Variants in CASP4 observed in about 807,000 individuals in gnomAD.
CASP4 encodes the protein caspase 4, also known as caspase-4.
A neutral mutation model predicts 41.3 loss-of-function variants in CASP4; 29 were observed. The observed-to-expected ratio is 0.70, with a 90% confidence interval of 0.52 to 0.96. The LOEUF (loss-of-function observed/expected upper bound fraction) is 0.96. Among genes scored for constraint, CASP4 ranks in the 40% least tolerant of loss-of-function variants. CASP4 has a pLI of 0.00. For missense variants in CASP4, 447 were observed against 460.6 expected, an observed-to-expected ratio of 0.97 and a Z score of 0.27; for synonymous variants, 185 against 158.4, an observed-to-expected ratio of 1.17 and a Z score of -1.26.
At chr11:104,954,556 T>C (rs1860689010) in intron 2 of CASP4, among the ~76,000 whole-genome samples, 191 bp downstream of exon 2, 1 of 152,120 alleles carries the variant, frequency 6.6e-6, no homozygotes, top group South Asian at 2.1e-4. Flanking sequence ...GGACTCAGCC[T>C]TTTAGCTGAT....
chr11:104,951,923 C>T lies in CASP4; in HGVS notation c.345G>A (p.Leu115=). The change falls in exon 3 of 9, where the codon CTG becomes CTA. Residue 115 remains leucine, a synonymous_variant. Coordinates refer to ENST00000444739, the MANE Select transcript of CASP4 (RefSeq NM_001225.4). The part of the protein sequence containing the change: ...ALKLCPHEEF[L]RLCKERAEEI... ...CTTCAGCTCTTTCTTTACATAGTCTCAGGAATTCTTCATGAGGACAAAGCT... is the reference window on the plus strand; with the variant it reads ...CTTCAGCTCTTTCTTTACATAGTCTTAGGAATTCTTCATGAGGACAAAGCT... 6.2e-7 allele frequency: 1 copy of T among 1,611,904 alleles called. No homozygotes were observed. The highest frequency in any genetic ancestry group is 8.5e-7 in the Non-Finnish European group (1 of 1,178,494).
At chr11:104,949,368 T>C (rs1285893198) in intron 5 of CASP4, 175 bp downstream of exon 5, 1 of 677,428 alleles carries the variant, frequency 1.5e-6, no homozygotes, top group Non-Finnish European at 2.5e-6. Flanking sequence ...TCTCCACTAA[T>C]TTTGATGAGA....
chr11:104,954,747 C>T lies in CASP4; in HGVS notation c.262G>A (p.Ala88Thr). 1 of 1,611,868 alleles carries T rather than the reference C, an allele frequency of 6.2e-7. No individual in the cohort carries two copies. Among genetic ancestry groups the T allele is most frequent in the Non-Finnish European group, 8.5e-7 (1 of 1,179,086 alleles). ...NIDQISPNKKAHPNMEAGPPE... is the reference protein window; with the variant it reads ...NIDQISPNKKTHPNMEAGPPE... ...TTCATTGTAAAAAATCCAGTCTTACCTTTTTTATTGGGGGATATTTGGTCT... is the reference window on the plus strand; with the variant it reads ...TTCATTGTAAAAAATCCAGTCTTACTTTTTTTATTGGGGGATATTTGGTCT... Residue 88 changes from alanine to threonine, a missense_variant and splice_region_variant, in exon 2 of 9, where the codon GCT becomes ACT. Physicochemically the swap from Ala to Thr is moderately conservative, Grantham distance 58. Transcript: ENST00000444739.
rs912593554 is a variant in CASP4, at chr11:104,944,679, A to T, written c.*5+69T>A. ...TCCAAGTACTCAGCTGTCATTTGTC[A>T]TTGAACTTAACCACCAATATCACTC... On this transcript the variant is annotated intron_variant, in intron 8 of 8. Coordinates refer to ENST00000444739, the MANE Select transcript of CASP4 (RefSeq NM_001225.4). 9.9e-6 allele frequency: 10 copies of T among 1,010,294 alleles called. No individual in the cohort carries two copies. In the South Asian group the frequency reaches 1.3e-4, roughly 13 times the overall value. 62.6% of individuals were successfully genotyped at this position (1,010,294 alleles called of 1,614,324 possible).
At chr11:104,951,635 T>C (rs951987839) in intron 3 of CASP4, 4 of 494,240 alleles carry the variant, frequency 8.1e-6, no homozygotes, top group Non-Finnish European at 1.5e-5. Flanking sequence ...TGCCATAAAA[T>C]CCAAATAATT....
intron 1 of CASP4, among the ~76,000 whole-genome samples, chr11:104,961,368 G>GT (rs1207295265): frequency 5.9e-5 from 9 of 152,298 alleles, no homozygotes; most frequent in African/African-American, 1.9e-4. Context: ...GACTGGTTCT[G>GT]TGGCCCCATA....
chr11:104,950,012 G>C (rs1395959214), intron 4 of CASP4, among the ~76,000 whole-genome samples: 2 of 151,992 alleles, frequency 1.3e-5, no homozygotes, highest in African/African-American at 4.8e-5. Context: ...ATTGTATATT[G>C]CTATGTGTTA....
intron 1 of CASP4, 144 bp downstream of exon 1, chr11:104,968,375 G>T: frequency 1.4e-6 from 1 of 728,642 alleles, no homozygotes; most frequent in South Asian, 1.8e-5. Context: ...CAGGTCCCAT[G>T]ATTCAAACTA....
intron 2 of CASP4, among the ~76,000 whole-genome samples, chr11:104,954,355 G>T (rs1187068967): frequency 6.6e-6 from 1 of 152,062 alleles, no homozygotes; most frequent in Non-Finnish European, 1.5e-5. Flanking sequence ...AGGCTTAGAC[G>T]ATCTTGTGAG....
chr11:104,955,103 G>T, intron 1 of CASP4, 102 bp from the exon 2 acceptor site: 7 of 1,129,898 alleles, frequency 6.2e-6, no homozygotes, highest in Non-Finnish European at 7.6e-6. Flanking sequence ...CTGAAAGTAT[G>T]TCCTACTTCA....
At chr11:104,963,821 G>C (rs1860914618) in intron 1 of CASP4, among the ~76,000 whole-genome samples, 1 of 152,092 alleles carries the variant, frequency 6.6e-6, no homozygotes, top group Non-Finnish European at 1.5e-5. Context: ...GGGGATCTGG[G>C]ATCCAGTATA....
At chr11:104,947,008 A>T in intron 7 of CASP4, 75 bp downstream of exon 7, 5 of 1,034,338 alleles carry the variant, frequency 4.8e-6, no homozygotes, top group Middle Eastern at 4.2e-4. Context: ...AAAAATTGTC[A>T]TTGTGAAGTA....
chr11:104,955,005 TTAGAAA>T lies in CASP4; in HGVS notation c.8-10_8-5del. ...GGCTTTTTTCTGTGGTTGCCTTCTG[TTAGAAA>T]TAGAAAGATTCCTTTAACTATGGGC... On this transcript the variant is annotated splice_region_variant and splice_polypyrimidine_tract_variant and intron_variant, in intron 1 of 8. Coordinates refer to ENST00000444739, the MANE Select transcript of CASP4 (RefSeq NM_001225.4). 1 of 1,611,814 alleles carries T rather than the reference TTAGAAA, an allele frequency of 6.2e-7. No homozygotes were observed. Among genetic ancestry groups the T allele is most frequent in the Middle Eastern group, 1.7e-4 (1 of 6,048 alleles).
chr11:104,953,716 A>T (rs1222107924), intron 2 of CASP4, among the ~76,000 whole-genome samples: 2 of 152,072 alleles, frequency 1.3e-5, no homozygotes, highest in African/African-American at 4.8e-5. Context: ...ATTATTGGTA[A>T]TCTGTAATAC....
chr11:104,950,610 C>T (rs1189374779), intron 4 of CASP4, among the ~76,000 whole-genome samples: 1 of 151,956 alleles, frequency 6.6e-6, no homozygotes, highest in African/African-American at 2.4e-5. Flanking sequence ...AGTATACTGC[C>T]ATTTAACATT....
intron 1 of CASP4, among the ~76,000 whole-genome samples, chr11:104,959,985 A>C (rs1049989815): frequency 2.0e-5 from 3 of 152,150 alleles, no homozygotes; most frequent in Non-Finnish European, 4.4e-5. Flanking sequence ...AGAGTGTTCC[A>C]ATATCTAGAT....
intron 1 of CASP4, among the ~76,000 whole-genome samples, chr11:104,966,658 A>C (rs991538037): frequency 9.9e-5 from 15 of 152,158 alleles, no homozygotes; most frequent in African/African-American, 3.4e-4. Flanking sequence ...TGTCTCGTGT[A>C]ACCAGAAAAC....
chr11:104,966,411 G>T (rs1196570096), intron 1 of CASP4, among the ~76,000 whole-genome samples: 1 of 152,184 alleles, frequency 6.6e-6, no homozygotes, highest in African/African-American at 2.4e-5. Flanking sequence ...TTTGAAGTTT[G>T]CAGTCAAGTG....
At chr11:104,959,523 A>T (rs961795926) in intron 1 of CASP4, among the ~76,000 whole-genome samples, 3 of 152,224 alleles carry the variant, frequency 2.0e-5, no homozygotes, top group Admixed American at 1.3e-4. Context: ...TTATATGCTT[A>T]AAAGAATAAA....
Sources: gnomAD v4.1 joint callset for allele counts (sites outside exome capture counted in the v4.1 genomes callset) on GRCh38, gnomAD v4.1.1 for gene constraint, MANE v1.5 for transcripts, NCBI Gene and HGNC (gene_info 2026-07-23, HGNC 2026-07-21) for gene names.